NRG1: variants seen among roughly 807,000 people sequenced by gnomAD.
NRG1 encodes neuregulin 1, also known as pro-neuregulin-1, membrane-bound isoform.
Under a neutral mutation model 63.8 loss-of-function variants are expected in NRG1, and 18 were observed. The ratio of observed to expected loss-of-function variants is 0.28; its 90% confidence interval spans 0.19 to 0.42. The LOEUF is 0.42. NRG1 is among the 10% of genes least tolerant of loss of function. The pLI is 1.00. For missense variants in NRG1, 762 were observed against 814.7 expected, an observed-to-expected ratio of 0.94 and a Z score of 0.79; for synonymous variants, 302 against 301.3, an observed-to-expected ratio of 1.00 and a Z score of -0.02.
chr8:32,584,722 T>A (rs900678072), intron 1 of NRG1, among the ~76,000 whole-genome samples: 1 of 152,210 alleles, frequency 6.6e-6, no homozygotes, highest in African/African-American at 2.4e-5. Flanking sequence ...TCTGCTAAAA[T>A]TTTTCTTTTT....
At chr8:32,166,904 G>A (rs1839457872) in intron 1 of NRG1, among the ~76,000 whole-genome samples, 1 of 152,140 alleles carries the variant, frequency 6.6e-6, no homozygotes, top group African/African-American at 2.4e-5. Context: ...TTCATGGACT[G>A]TTTATGGAAG....
intron 5 of NRG1, among the ~76,000 whole-genome samples, chr8:32,671,947 T>C (rs1410712385): frequency 6.6e-6 from 1 of 152,202 alleles, no homozygotes; most frequent in African/African-American, 2.4e-5. Context: ...AATTGTACTT[T>C]ATGGGGGTGT....
chr8:31,776,427 C>G (rs1284932878), intron 1 of NRG1, among the ~76,000 whole-genome samples: 1 of 152,150 alleles, frequency 6.6e-6, no homozygotes, highest in Non-Finnish European at 1.5e-5. Flanking sequence ...AAAATAGGAA[C>G]TCTTGAACTT....
chr8:31,692,712 C>T (rs1809652308), intron 1 of NRG1, among the ~76,000 whole-genome samples: 1 of 152,166 alleles, frequency 6.6e-6, no homozygotes, highest in Admixed American at 6.5e-5. Context: ...TAGTAGTTCA[C>T]ATACTTCACG....
intron 1 of NRG1, among the ~76,000 whole-genome samples, chr8:32,232,305 C>A (rs1278473785): frequency 6.6e-6 from 1 of 152,118 alleles, no homozygotes; most frequent in African/African-American, 2.4e-5. Flanking sequence ...TTACAAACAC[C>A]TTTACAGCTC....
At chr8:31,942,789 T>G (rs1276272971) in intron 1 of NRG1, among the ~76,000 whole-genome samples, 1 of 151,324 alleles carries the variant, frequency 6.6e-6, no homozygotes, top group Non-Finnish European at 1.5e-5. Flanking sequence ...TATGGAAAAA[T>G]GCTCAACATC....
chr8:31,993,429 C>T (rs1196925438), intron 1 of NRG1, among the ~76,000 whole-genome samples: 2 of 151,986 alleles, frequency 1.3e-5, no homozygotes. Flanking sequence ...CCCCACGTGT[C>T]AAGGTTGGTG....
chr8:32,146,103 C>G (rs185840485), intron 1 of NRG1, among the ~76,000 whole-genome samples: 1 of 152,252 alleles, frequency 6.6e-6, no homozygotes, highest in African/African-American at 2.4e-5. Context: ...ATCTAATTGC[C>G]CAGTGCCTCT....
intron 1 of NRG1, among the ~76,000 whole-genome samples, chr8:32,042,961 A>AGAGTGTGTGTGTGTGTGT (rs1554609373): frequency 7.1e-6 from 1 of 140,008 alleles, no homozygotes; most frequent in East Asian, 2.1e-4. Flanking sequence ...GAAAGAGTGC[A>AGAGTGTGTGTGTGTGTGT]GTGTGTGTGT....
In NRG1 at chr8:32,439,685, A is replaced by G. The variant is rs1185743808; in HGVS notation, c.38-156143A>G. 5.9e-5 allele frequency among the ~76,000 whole-genome samples: 9 copies of G among 152,152 alleles called. No individual in the cohort carries two copies. In the East Asian group the frequency reaches 1.5e-3, roughly 26 times the overall value. Reference sequence around the variant, plus strand: ...ATAAGAAACTGCTTATAATATTAAAATTATGTCTTGAGTTTATAATTATAT... The same window carrying G: ...ATAAGAAACTGCTTATAATATTAAAGTTATGTCTTGAGTTTATAATTATAT... On this transcript the variant is annotated intron_variant, in intron 1 of 10. Transcript: ENST00000519301.
At chr8:32,156,983 C>G (rs1399049122) in intron 1 of NRG1, among the ~76,000 whole-genome samples, 1 of 151,476 alleles carries the variant, frequency 6.6e-6, no homozygotes, top group Non-Finnish European at 1.5e-5. Context: ...TTGTAAAGAT[C>G]AACGCTAACA....
At chr8:32,464,453 A>C (rs1318088154) in intron 1 of NRG1, among the ~76,000 whole-genome samples, 1 of 152,122 alleles carries the variant, frequency 6.6e-6, no homozygotes, top group African/African-American at 2.4e-5. Context: ...TAATCTACTG[A>C]TGACACAGAA....
At chr8:32,236,675 C>T (rs1847594034) in intron 1 of NRG1, among the ~76,000 whole-genome samples, 1 of 152,306 alleles carries the variant, frequency 6.6e-6, no homozygotes, top group African/African-American at 2.4e-5. Flanking sequence ...TTCAGCTCCT[C>T]TTCATGGGGA....
intron 1 of NRG1, among the ~76,000 whole-genome samples, chr8:32,522,560 G>A (rs545586518): frequency 6.6e-6 from 1 of 152,256 alleles, no homozygotes; most frequent in South Asian, 2.1e-4. Flanking sequence ...ATAAGGAAAA[G>A]TTGGCACTCC....
At chr8:32,223,362 A>G (rs185536766) in intron 1 of NRG1, among the ~76,000 whole-genome samples, 2 of 152,294 alleles carry the variant, frequency 1.3e-5, no homozygotes, top group East Asian at 3.9e-4. Context: ...TGCCATAATT[A>G]GGTTTAAATC....
intron 1 of NRG1, among the ~76,000 whole-genome samples, chr8:32,269,304 A>C (rs1851306276): frequency 6.6e-6 from 1 of 152,220 alleles, no homozygotes; most frequent in Non-Finnish European, 1.5e-5. Context: ...AAATAGGCTG[A>C]TCAGTGCTAG....
intron 1 of NRG1, among the ~76,000 whole-genome samples, chr8:32,466,794 CT>C (rs1261918759): frequency 3.3e-5 from 5 of 152,008 alleles, no homozygotes; most frequent in Non-Finnish European, 5.9e-5. Flanking sequence ...ATATGATTTT[CT>C]CTTTAAATCA....
chr8:31,731,123 T>C (rs977594773), intron 1 of NRG1, among the ~76,000 whole-genome samples: 2 of 152,120 alleles, frequency 1.3e-5, no homozygotes, highest in African/African-American at 2.4e-5. Context: ...TGGCAATGTA[T>C]ATCAAACCTT....
At chr8:32,048,446 C>CATACATAT (rs1821426884) in intron 1 of NRG1, among the ~76,000 whole-genome samples, 1 of 6,728 alleles carries the variant, frequency 1.5e-4, no homozygotes, top group African/African-American at 1.6e-4. Flanking sequence ...TATATACATA[C>CATACATAT]ATATATATAT....
Sources: gnomAD v4.1 joint callset for allele counts (sites outside exome capture counted in the v4.1 genomes callset) on GRCh38, gnomAD v4.1.1 for gene constraint, MANE v1.5 for transcripts, NCBI Gene and HGNC (gene_info 2026-07-23, HGNC 2026-07-21) for gene names.